The following MAP4K4 variants were observed in gnomAD, a reference collection of about 807,000 sequenced individuals.
MAP4K4 encodes mitogen-activated protein kinase kinase kinase kinase 4.
MAP4K4 carries 38 observed loss-of-function variants against 189.6 expected under a neutral mutation model. That is an observed-to-expected ratio of 0.20 (90% CI 0.15 to 0.26). MAP4K4 has a LOEUF of 0.26. MAP4K4 is among the 10% of genes least tolerant of loss of function. The pLI is 1.00. For synonymous variants in MAP4K4, 610 were observed against 624.3 expected (o/e 0.98, Z 0.34); for missense variants, 1,054 against 1,726.9 (o/e 0.61, Z 6.91).
intron 2 of MAP4K4, among the ~76,000 whole-genome samples, chr2:101,705,603 A>G (rs926196435): frequency 1.3e-5 from 2 of 152,226 alleles, no homozygotes; most frequent in Non-Finnish European, 2.9e-5. Flanking sequence ...ACATTTTCCC[A>G]TGTCAAATTG....
chr2:101,837,718 T>G (rs2096800586), intron 9 of MAP4K4, among the ~76,000 whole-genome samples: 1 of 152,182 alleles, frequency 6.6e-6, no homozygotes. Context: ...CTCTCAGATT[T>G]TGTTGACAGA....
chr2:101,877,064 G>T, exon 27 of MAP4K4: 1 of 1,613,998 alleles, frequency 6.2e-7, no homozygotes, highest in Non-Finnish European at 8.5e-7. Flanking sequence ...GTGGCCAAGG[G>T]AAGGTCTATC....
intron 3 of MAP4K4, among the ~76,000 whole-genome samples, chr2:101,823,218 C>T (rs925430363): frequency 2.0e-5 from 3 of 152,110 alleles, no homozygotes; most frequent in Non-Finnish European, 2.9e-5. Flanking sequence ...CATTCCCCAC[C>T]CTGATCTTCT....
At chr2:101,787,162 G>C (rs547533521) in intron 2 of MAP4K4, among the ~76,000 whole-genome samples, 145 of 152,300 alleles carry the variant, frequency 9.5e-4, no homozygotes, top group African/African-American at 3.4e-3. Context: ...CACAAGTTAG[G>C]TGTTTGAGTG....
At chr2:101,834,867 A>C (rs1353108809) in intron 8 of MAP4K4, among the ~76,000 whole-genome samples, 1 of 152,208 alleles carries the variant, frequency 6.6e-6, no homozygotes, top group Non-Finnish European at 1.5e-5. Context: ...TGATAGAATA[A>C]TTTTTTGTGC....
intron 2 of MAP4K4, among the ~76,000 whole-genome samples, chr2:101,725,346 C>CT (rs1373553787): frequency 1.4e-5 from 2 of 141,298 alleles, no homozygotes; most frequent in Non-Finnish European, 3.0e-5. Flanking sequence ...CTAATGTCTA[C>CT]TTTTGTTGTA....
chr2:101,709,299 T>C (rs1279525178), intron 2 of MAP4K4, among the ~76,000 whole-genome samples: 1 of 152,170 alleles, frequency 6.6e-6, no homozygotes, highest in Non-Finnish European at 1.5e-5. Flanking sequence ...ACCTCCTGGG[T>C]TCAAGTGATT....
intron 5 of MAP4K4, 88 bp from the exon 6 acceptor site, chr2:101,829,416 C>A: frequency 3.6e-6 from 3 of 826,602 alleles, no homozygotes; most frequent in South Asian, 1.5e-5. Flanking sequence ...CTTTGGTCCA[C>A]ATGTGCACTT....
At chr2:101,736,160 A>G (rs1000862611) in intron 2 of MAP4K4, among the ~76,000 whole-genome samples, 1 of 152,222 alleles carries the variant, frequency 6.6e-6, no homozygotes. Flanking sequence ...CTCCATCCTA[A>G]CTGGCCCCTA....
intron 27 of MAP4K4, among the ~76,000 whole-genome samples, chr2:101,878,012 G>A (rs1396043483): frequency 1.3e-5 from 2 of 152,166 alleles, no homozygotes; most frequent in Admixed American, 6.5e-5. Context: ...GCCTCCCAGA[G>A]TGCTGGGATT....
chr2:101,837,594 G>GCC, intron 9 of MAP4K4, among the ~76,000 whole-genome samples: 1 of 152,230 alleles, frequency 6.6e-6, no homozygotes, highest in South Asian at 2.1e-4. Context: ...CACGCCTAGG[G>GCC]AAACCATCAG....
intron 3 of MAP4K4, among the ~76,000 whole-genome samples, chr2:101,807,240 T>A (rs1225400453): frequency 6.6e-6 from 1 of 152,000 alleles, no homozygotes; most frequent in Non-Finnish European, 1.5e-5. Context: ...TAATTTTTTT[T>A]AGAGACAGGG....
At chr2:101,825,214 C>T in intron 4 of MAP4K4, 105 bp from the exon 5 acceptor site, 1 of 619,454 alleles carries the variant, frequency 1.6e-6, no homozygotes, top group Middle Eastern at 2.6e-4. Flanking sequence ...TATTGAGGAG[C>T]ATCACGTTTC....
At chr2:101,802,832 C>A (rs551196193) in intron 3 of MAP4K4, among the ~76,000 whole-genome samples, 9 of 152,210 alleles carry the variant, frequency 5.9e-5, no homozygotes, top group African/African-American at 2.2e-4. Flanking sequence ...GTCACCCAGG[C>A]TGGCGTGCAA....
intron 15 of MAP4K4, 37 bp from the exon 16 acceptor site, chr2:101,860,788 C>G (rs760372865): frequency 5.2e-6 from 8 of 1,545,450 alleles, no homozygotes; most frequent in South Asian, 1.2e-5. Flanking sequence ...TTTTCCCCTA[C>G]TAACACTGAG....
chr2:101,854,649 G>T (rs2097391469), intron 12 of MAP4K4, among the ~76,000 whole-genome samples: 1 of 152,204 alleles, frequency 6.6e-6, no homozygotes, highest in Non-Finnish European at 1.5e-5. Context: ...AATACTAGTT[G>T]AGAGTGGTGG....
At chr2:101,792,885 C>T (rs925203401) in intron 3 of MAP4K4, among the ~76,000 whole-genome samples, 1 of 152,186 alleles carries the variant, frequency 6.6e-6, no homozygotes, top group African/African-American at 2.4e-5. Context: ...TCACCCGCCT[C>T]AGCCTCCCAA....
intron 3 of MAP4K4, among the ~76,000 whole-genome samples, chr2:101,816,711 A>G (rs115843323): frequency 3.3e-5 from 5 of 152,190 alleles, no homozygotes; most frequent in African/African-American, 1.2e-4. Flanking sequence ...CTGGATTGGT[A>G]CATCATAGTA....
At chr2:101,777,597 C>G (rs1242675097) in intron 2 of MAP4K4, among the ~76,000 whole-genome samples, 1 of 152,224 alleles carries the variant, frequency 6.6e-6, no homozygotes, top group Non-Finnish European at 1.5e-5. Context: ...AGTGTAAATG[C>G]AACCTCCCCA....
Sources: gnomAD v4.1 joint callset for allele counts (sites outside exome capture counted in the v4.1 genomes callset) on GRCh38, gnomAD v4.1.1 for gene constraint, MANE v1.5 for transcripts, NCBI Gene and HGNC (gene_info 2026-07-23, HGNC 2026-07-21) for gene names.